The following CHN1 variants were observed in gnomAD, a reference collection of about 807,000 sequenced individuals.
The protein encoded by CHN1 is N-chimaerin.
Under a neutral mutation model 59.5 loss-of-function variants are expected in CHN1, and 37 were observed. That is an observed-to-expected ratio of 0.62 (90% CI 0.48 to 0.82). The LOEUF (loss-of-function observed/expected upper bound fraction) is 0.82, where lower values mean the gene tolerates loss of function less well. Among genes scored for constraint, CHN1 ranks in the 40% least tolerant of loss-of-function variants. The pLI, the probability that CHN1 is intolerant of heterozygous loss-of-function variation, is 0.00. For synonymous variants in CHN1, 206 were observed against 200.4 expected, an observed-to-expected ratio of 1.03 and a Z score of -0.24; for missense variants, 469 against 571.0, an observed-to-expected ratio of 0.82 and a Z score of 1.82.
At chr2:174,980,615 G>A (rs923748694) in intron 1 of CHN1, among the ~76,000 whole-genome samples, 1 of 152,130 alleles carries the variant, frequency 6.6e-6, no homozygotes, top group African/African-American at 2.4e-5. Context: ...TAAAATTCAG[G>A]TGAGATATGC....
chr2:174,983,841 T>C (rs565866188), intron 1 of CHN1, among the ~76,000 whole-genome samples: 25 of 151,794 alleles, frequency 1.6e-4, no homozygotes, highest in Admixed American at 2.6e-4. Context: ...AATAAATAAA[T>C]AAATAAATAA....
At chr2:174,976,801 T>C (rs777765540) in intron 1 of CHN1, among the ~76,000 whole-genome samples, 6 of 152,176 alleles carry the variant, frequency 3.9e-5, no homozygotes, top group Non-Finnish European at 8.8e-5. Context: ...AATAAAATCG[T>C]TCATTTCTAT....
intron 2 of CHN1, among the ~76,000 whole-genome samples, chr2:174,950,652 G>A (rs571221311): frequency 6.6e-6 from 1 of 152,014 alleles, no homozygotes; most frequent in Admixed American, 6.5e-5. Context: ...TTTTCATGGA[G>A]GAAAAGATCA....
chr2:174,877,166 C>T (rs1221482772), intron 6 of CHN1, among the ~76,000 whole-genome samples: 1 of 151,608 alleles, frequency 6.6e-6, no homozygotes, highest in Non-Finnish European at 1.5e-5. Context: ...AATCTTAATG[C>T]CAAGAAATTA....
intron 6 of CHN1, among the ~76,000 whole-genome samples, chr2:174,848,679 G>T (rs941757838): frequency 2.0e-5 from 3 of 152,112 alleles, no homozygotes; most frequent in Non-Finnish European, 4.4e-5. Flanking sequence ...AGCTATGCTA[G>T]ACATTAAAAA....
chr2:174,830,150 A>G (rs1031813581), intron 7 of CHN1, among the ~76,000 whole-genome samples: 2 of 151,926 alleles, frequency 1.3e-5, no homozygotes, highest in African/African-American at 4.8e-5. Context: ...GGAGAATGGC[A>G]TGAACCCAGG....
intron 1 of CHN1, among the ~76,000 whole-genome samples, chr2:175,001,550 A>G (rs1316682513): frequency 6.6e-6 from 1 of 152,240 alleles, no homozygotes; most frequent in Non-Finnish European, 1.5e-5. Flanking sequence ...TAGCAAAATC[A>G]TAAGCATTAT....
chr2:174,870,282 C>G (rs1375863401), intron 6 of CHN1, among the ~76,000 whole-genome samples: 1 of 152,036 alleles, frequency 6.6e-6, no homozygotes, highest in African/African-American at 2.4e-5. Flanking sequence ...TGAAAGAATC[C>G]CGTTACTGCA....
chr2:174,899,321 G>C (rs1019219546), intron 5 of CHN1, among the ~76,000 whole-genome samples: 1 of 152,176 alleles, frequency 6.6e-6, no homozygotes, highest in Non-Finnish European at 1.5e-5. Flanking sequence ...CAAAAGCAAA[G>C]TGAAAATAAA....
rs1163695102 is a variant in CHN1, at chr2:174,847,342, T to TC, written c.550-386dup. ...AAATTCTTCTTTCTTCCTTTTTTTT[T>TC]CTTAAAGGGATCTATATTCTAGCTT... On this transcript the variant is annotated intron_variant, in intron 6 of 12. Coordinates refer to ENST00000409900, the MANE Select transcript of CHN1 (RefSeq NM_001822.7). 4 of 1,297,886 alleles carry TC rather than the reference T, an allele frequency of 3.1e-6. No homozygotes were observed. In the African/African-American group the frequency reaches 4.5e-5, roughly 15 times the overall value. 80.4% of individuals were successfully genotyped at this position (1,297,886 alleles called of 1,614,324 possible).
At chr2:174,827,815 C>T (rs1157508385) in intron 7 of CHN1, among the ~76,000 whole-genome samples, 1 of 152,104 alleles carries the variant, frequency 6.6e-6, no homozygotes, top group Non-Finnish European at 1.5e-5. Context: ...AGAAACTGGT[C>T]TGTTAAGGGT....
intron 3 of CHN1, among the ~76,000 whole-genome samples, chr2:174,924,642 G>A (rs1221155365): frequency 6.6e-6 from 1 of 152,152 alleles, no homozygotes; most frequent in Non-Finnish European, 1.5e-5. Flanking sequence ...CTTCAGTGGT[G>A]ATTTGGAATC....
chr2:174,876,665 T>G (rs1200832668), intron 6 of CHN1, among the ~76,000 whole-genome samples: 2 of 152,216 alleles, frequency 1.3e-5, no homozygotes, highest in Admixed American at 1.3e-4. Context: ...TGCCAAAAAC[T>G]AAAATTTGAG....
intron 1 of CHN1, among the ~76,000 whole-genome samples, chr2:174,988,538 T>C (rs1691429800): frequency 1.3e-5 from 2 of 152,180 alleles, no homozygotes; most frequent in Non-Finnish European, 2.9e-5. Context: ...TCTTAGTGCT[T>C]TATTAGTGAT....
intron 7 of CHN1, among the ~76,000 whole-genome samples, chr2:174,839,016 TAAAA>T (rs780663866): frequency 8.4e-5 from 12 of 142,298 alleles, no homozygotes; most frequent in African/African-American, 2.6e-4. Context: ...GACTCTGTCT[TAAAA>T]AAAAAAAAAA....
chr2:174,966,067 C>A (rs1690579834), intron 1 of CHN1, among the ~76,000 whole-genome samples: 1 of 152,110 alleles, frequency 6.6e-6, no homozygotes, highest in Admixed American at 6.6e-5. Context: ...TATCTCACAT[C>A]CTGACTAAAC....
At chr2:174,890,661 A>C (rs1688017632) in intron 5 of CHN1, among the ~76,000 whole-genome samples, 1 of 152,214 alleles carries the variant, frequency 6.6e-6, no homozygotes, top group African/African-American at 2.4e-5. Flanking sequence ...TACTTTAATA[A>C]TGAGTAGAAA....
intron 5 of CHN1, among the ~76,000 whole-genome samples, chr2:174,885,107 G>GA (rs1687854773): frequency 6.6e-6 from 1 of 150,670 alleles, no homozygotes; most frequent in Non-Finnish European, 1.5e-5. Context: ...CTAACATGGT[G>GA]AAACCCCATC....
rs938435476 is a variant in CHN1, at chr2:174,891,299, C to T, written c.261-13171G>A. On this transcript the variant is annotated intron_variant, in intron 5 of 12. Transcript: ENST00000409900. ...GAGACAAATGAAAATAGGCCGGGAGCGGTGGCTCATGCCTGTAATCCCAGC... is the reference window on the plus strand; with the variant it reads ...GAGACAAATGAAAATAGGCCGGGAGTGGTGGCTCATGCCTGTAATCCCAGC... Among the ~76,000 whole-genome samples the T allele has an allele frequency of 2.3e-4, 35 of 151,504 alleles. No individual in the cohort carries two copies. The East Asian group carries it at 6.4e-3, about 28-fold the overall frequency.
Sources: gnomAD v4.1 joint callset for allele counts (sites outside exome capture counted in the v4.1 genomes callset) on GRCh38, gnomAD v4.1.1 for gene constraint, MANE v1.5 for transcripts, NCBI Gene and HGNC (gene_info 2026-07-23, HGNC 2026-07-21) for gene names.